Variants in MCF2L2 observed in about 807,000 individuals in gnomAD.
MCF2L2 encodes probable guanine nucleotide exchange factor MCF2L2.
MCF2L2 carries 102 observed loss-of-function variants against 150.2 expected under a neutral mutation model. The ratio of observed to expected loss-of-function variants is 0.68; its 90% CI spans 0.58 to 0.80. MCF2L2 has a LOEUF of 0.80. MCF2L2 is among the 30% of genes least tolerant of loss of function. MCF2L2 has a pLI of 0.00. For synonymous variants in MCF2L2, 465 were observed against 491.3 expected (o/e 0.95, Z 0.71); for missense variants, 1,256 against 1,372.8 (o/e 0.91, Z 1.34).
At chr3:183,184,021 TTTTG>T (rs1452321805) in intron 27 of MCF2L2, among the ~76,000 whole-genome samples, 1 of 152,174 alleles carries the variant, frequency 6.6e-6, no homozygotes, top group East Asian at 1.9e-4. Flanking sequence ...TGTTTTGTTT[TTTTG>T]TTTGTTTTTG....
chr3:183,301,698 G>A (rs771472681), intron 10 of MCF2L2, among the ~76,000 whole-genome samples: 1 of 151,482 alleles, frequency 6.6e-6, no homozygotes, highest in African/African-American at 2.4e-5. Context: ...TGGAAGCTGA[G>A]GCAGGAGAAT....
At chr3:183,347,863 A>G (rs558050203) in intron 3 of MCF2L2, among the ~76,000 whole-genome samples, 1 of 152,340 alleles carries the variant, frequency 6.6e-6, no homozygotes, top group East Asian at 1.9e-4. Context: ...ACCATCTCAC[A>G]CAAGTTAGAA....
intron 5 of MCF2L2, among the ~76,000 whole-genome samples, chr3:183,329,801 T>TG (rs1289376793): frequency 6.6e-6 from 1 of 152,212 alleles, no homozygotes; most frequent in East Asian, 1.9e-4. Context: ...CAAACCTAGA[T>TG]GGGACAGCCT....
intron 2 of MCF2L2, among the ~76,000 whole-genome samples, chr3:183,381,824 C>T (rs1016112856): frequency 1.3e-5 from 2 of 152,160 alleles, no homozygotes; most frequent in Non-Finnish European, 2.9e-5. Flanking sequence ...ATATTAACAG[C>T]TTTCATCTAA....
chr3:183,272,198 G>T, intron 15 of MCF2L2: 1 of 999,948 alleles, frequency 1.0e-6, no homozygotes, highest in South Asian at 4.7e-5. Flanking sequence ...ATCTAATAGA[G>T]TAAGTTACAT....
intron 14 of MCF2L2, among the ~76,000 whole-genome samples, chr3:183,288,474 T>A (rs1238430810): frequency 1.3e-5 from 2 of 151,030 alleles, no homozygotes; most frequent in East Asian, 1.9e-4. Context: ...TGCAATTTTG[T>A]CATGCTCTTT....
At chr3:183,281,746 G>A (rs1010993) in intron 14 of MCF2L2, among the ~76,000 whole-genome samples, 4,886 of 152,132 alleles carry the variant, frequency 0.032, 264 homozygotes, top group African/African-American at 0.11. Flanking sequence ...GACATCGTAT[G>A]GACTGAAGCC....
rs1170552549 is a variant in MCF2L2, at chr3:183,338,879, C to T, written c.407G>A (p.Arg136His). 19 of 1,605,596 alleles carry T rather than the reference C, an allele frequency of 1.2e-5. No individual in the cohort carries two copies. The highest frequency in any genetic ancestry group is 1.6e-5 in the Non-Finnish European group (19 of 1,174,042). ...PGNLQLIFIL[R>H]PSRFIQRTFT... The stretch of plus-strand genomic sequence containing the variant: ...TGTCCTCTGGATAAAGCGAGATGGA[C>T]GAAGGATGAATATGAGCTGTAAGTT... The change falls in exon 5 of 30, where the codon CGT (arginine) becomes CAT (histidine). Residue 136 changes from arginine to histidine, a missense_variant. Physicochemically the swap from Arg to His is conservative, Grantham distance 29. Transcript: ENST00000328913.
chr3:183,270,692 G>A lies in MCF2L2; in HGVS notation c.1862+6180C>T. 6.2e-7 allele frequency: 1 copy of A among 1,613,938 alleles called. No individual in the cohort carries two copies. Among genetic ancestry groups the A allele is most frequent in the South Asian group, 1.1e-5 (1 of 91,036 alleles). ...CCAATAAAATAGGGATAGTACCGCA[G>A]GACCATGTGTTTTTTTCTGGAGAGG... On this transcript the variant is annotated intron_variant, in intron 15 of 29. Coordinates refer to ENST00000328913, the MANE Select transcript of MCF2L2 (RefSeq NM_015078.4). The surrounding 1 kb of genome is among the most constrained non-coding windows in gnomAD (Gnocchi z 4.5).
rs1308574004 is a variant in MCF2L2, at chr3:183,267,574, T to C, written c.1862+9298A>G. On this transcript the variant is annotated intron_variant, in intron 15 of 29. Transcript: ENST00000328913. The surrounding 1 kb of genome is among the most constrained non-coding windows in gnomAD (Gnocchi z 5.5). The stretch of plus-strand genomic sequence containing the variant: ...GATCTCTGGGCACAAAGCAGGGCCT[T>C]TGCCCTGGGGCTTGCTATGTGGCTC... 6.6e-6 allele frequency among the ~76,000 whole-genome samples: 1 copy of C among 152,192 alleles called. No homozygotes were observed. Among genetic ancestry groups the C allele is most frequent in the Non-Finnish European group, 1.5e-5 (1 of 68,026 alleles).
At chr3:183,390,230 TTATTTTCCTCCC>T (rs1468890179) in intron 1 of MCF2L2, among the ~76,000 whole-genome samples, 2 of 152,172 alleles carry the variant, frequency 1.3e-5, no homozygotes, top group African/African-American at 4.8e-5. Context: ...TCTTTAATTT[TTATTTTCCTCCC>T]TACCTCACTT....
At chr3:183,381,904 C>T (rs886526849) in intron 2 of MCF2L2, among the ~76,000 whole-genome samples, 1 of 152,040 alleles carries the variant, frequency 6.6e-6, no homozygotes, top group Non-Finnish European at 1.5e-5. Flanking sequence ...AGAGAATTTG[C>T]GTCTTTGAAA....
At chr3:183,210,987 G>A (rs1439928959) in intron 22 of MCF2L2, among the ~76,000 whole-genome samples, 1 of 152,164 alleles carries the variant, frequency 6.6e-6, no homozygotes, top group African/African-American at 2.4e-5. Flanking sequence ...AGGAGGAAGT[G>A]GTGACCAGCA....
At chr3:183,277,438 G>A (rs771626167) in intron 14 of MCF2L2, among the ~76,000 whole-genome samples, 2 of 150,588 alleles carry the variant, frequency 1.3e-5, no homozygotes, top group Non-Finnish European at 2.9e-5. Context: ...ACAGTAAAGC[G>A]ATCACTGCAT....
chr3:183,204,676 TAA>T (rs1487722322), intron 25 of MCF2L2, among the ~76,000 whole-genome samples: 1 of 152,030 alleles, frequency 6.6e-6, no homozygotes, highest in Admixed American at 6.6e-5. Flanking sequence ...AAACTGGAAA[TAA>T]AGATTCATAC....
intron 15 of MCF2L2, among the ~76,000 whole-genome samples, chr3:183,255,863 G>A (rs1468293057): frequency 6.6e-6 from 1 of 151,690 alleles, no homozygotes; most frequent in East Asian, 1.9e-4. Flanking sequence ...AGAACAGCTT[G>A]AATAATAACT....
intron 15 of MCF2L2, among the ~76,000 whole-genome samples, chr3:183,264,557 T>C (rs1035470365): frequency 1.3e-5 from 2 of 152,226 alleles, no homozygotes; most frequent in East Asian, 3.8e-4. Context: ...GCAGAGTAAA[T>C]ACTCATATAC....
rs865790664 is a variant in MCF2L2 at position 183,322,432 on chromosome 3, C to T, written c.603+803G>A. On this transcript the variant is annotated intron_variant, in intron 6 of 29. Transcript: ENST00000328913. ...GTTCAGCGGAGTCCCTGACGACCCA[C>T]CAGATACCAGTTAACTTTCCCCACT... is the stretch of plus-strand genomic sequence containing the variant. 1.2e-4 allele frequency among the ~76,000 whole-genome samples: 18 copies of T among 152,226 alleles called. 1 individual carries two copies. The Middle Eastern group carries it at 0.01, about 86-fold the overall frequency.
intron 2 of MCF2L2, among the ~76,000 whole-genome samples, chr3:183,382,154 G>C (rs554849999): frequency 6.6e-6 from 1 of 151,980 alleles, no homozygotes; most frequent in Non-Finnish European, 1.5e-5. Flanking sequence ...CGCCTCCCAG[G>C]TTCAAGCAAT....
Sources: allele counts gnomAD v4.1 joint callset (sites outside exome capture counted in the v4.1 genomes callset), GRCh38; gene constraint gnomAD v4.1.1; non-coding constraint Gnocchi (gnomAD v3.1); transcripts MANE v1.5; gene names NCBI Gene and HGNC (gene_info 2026-07-23, HGNC 2026-07-21).